Variants in LIN54 observed in about 807,000 individuals in gnomAD.
The protein encoded by LIN54 is lin-54 DREAM MuvB core complex component.
LIN54 carries 9 observed loss-of-function variants against 78.7 expected under a neutral mutation model. The ratio of observed to expected loss-of-function variants is 0.11; its 90% CI spans 0.07 to 0.20. The LOEUF (loss-of-function observed/expected upper bound fraction) is 0.20, where lower values mean the gene tolerates loss of function less well. Ranked by LOEUF, LIN54 falls within the 10% of genes least tolerant of loss-of-function variation. The pLI is 1.00. For missense variants in LIN54, 573 were observed against 889.9 expected (o/e 0.64, Z 4.53); for synonymous variants, 269 against 318.4 (o/e 0.84, Z 1.65).
chr4:82,973,145 G>T (rs535772516), intron 3 of LIN54, among the ~76,000 whole-genome samples: 13 of 151,958 alleles, frequency 8.6e-5, no homozygotes, highest in Non-Finnish European at 1.9e-4. Flanking sequence ...GTTTATAATT[G>T]CAACTATACT....
At position 82,997,291 on chromosome 4, in the gene LIN54, A is replaced by G. The variant is rs142488917; in HGVS notation, c.-32-12415T>C. On this transcript the variant is annotated intron_variant, in intron 1 of 12. Transcript: ENST00000340417. ...GGGACTTCACAACACTTTAAATAAA[A>G]TAAACCCATATTGTCATAAGGTACA... is the stretch of plus-strand genomic sequence containing the variant. Among the ~76,000 whole-genome samples the G allele has an allele frequency of 6.0e-3, 913 of 152,268 alleles. 13 individuals carry two copies. Among genetic ancestry groups the G allele is most frequent in the Non-Finnish European group, 8.5e-3 (576 of 67,998 alleles).
chr4:82,981,275 C>T (rs891951508), intron 2 of LIN54, among the ~76,000 whole-genome samples: 1 of 152,148 alleles, frequency 6.6e-6, no homozygotes, highest in African/African-American at 2.4e-5. Context: ...TTATGTACTA[C>T]TCTTATATAC....
chr4:82,932,097 T>A (rs1002198609), intron 11 of LIN54, among the ~76,000 whole-genome samples: 13 of 147,112 alleles, frequency 8.8e-5, no homozygotes, highest in African/African-American at 3.0e-4. Flanking sequence ...TTTTAATTTT[T>A]TTTTTTTTTT....
At chr4:82,987,405 AAAAAAACAAAAAAC>A (rs1039079907) in intron 1 of LIN54, among the ~76,000 whole-genome samples, 6 of 152,156 alleles carry the variant, frequency 3.9e-5, no homozygotes, top group Admixed American at 3.3e-4. Flanking sequence ...CTTTTCTAAG[AAAAAAACAAAAAAC>A]AAAAAACAAA....
chr4:83,000,797 T>G (rs34670204), intron 1 of LIN54, among the ~76,000 whole-genome samples: 76 of 145,270 alleles, frequency 5.2e-4, no homozygotes, highest in Non-Finnish European at 8.7e-4. Context: ...GACAAAGCCA[T>G]GAAAGCCATC....
Position 82,928,091 on chromosome 4 carries a change from T to C in LIN54, c.*11A>G, listed in dbSNP as rs1377684328. On this transcript the variant is annotated 3_prime_UTR_variant, in exon 13 of 13. Transcript: ENST00000340417. ...CTGTACAGTTCCATTTATCAGTCTTTTGTGCAAGAGTTAGCAATTCATGGC... is the reference window on the plus strand; with the variant it reads ...CTGTACAGTTCCATTTATCAGTCTTCTGTGCAAGAGTTAGCAATTCATGGC... 5.0e-6 allele frequency: 8 copies of C among 1,612,728 alleles called. No homozygotes were observed. The highest frequency in any genetic ancestry group is 6.8e-6 in the Non-Finnish European group (8 of 1,178,654).
intron 4 of LIN54, among the ~76,000 whole-genome samples, chr4:82,954,578 C>T (rs868387829): frequency 2.2e-4 from 33 of 151,962 alleles, no homozygotes; most frequent in African/African-American, 7.5e-4. Flanking sequence ...CCACCATGCC[C>T]GGCTAATTTT....
intron 3 of LIN54, among the ~76,000 whole-genome samples, chr4:82,972,531 T>G (rs549219632): frequency 6.6e-6 from 1 of 152,226 alleles, no homozygotes; most frequent in East Asian, 1.9e-4. Flanking sequence ...TTGTCTATTC[T>G]GGTTTCCAAA....
In LIN54 at chr4:82,938,729, GA is replaced by G. The variant is rs1451850354; in HGVS notation, c.1441-226del. 6.6e-5 allele frequency among the ~76,000 whole-genome samples: 10 copies of G among 152,276 alleles called. No individual in the cohort carries two copies. The East Asian group carries it at 1.9e-3, about 29-fold the overall frequency. Reference sequence around the variant, plus strand: ...CAGTACTACATAGTACAAATATAAAGAAAGTATTTCACAGAAGAGTTAAGTA... The same window carrying G: ...CAGTACTACATAGTACAAATATAAAGAAGTATTTCACAGAAGAGTTAAGTA... On this transcript the variant is annotated intron_variant, in intron 7 of 12. Transcript: ENST00000340417.
In LIN54 at chr4:82,984,391, T is replaced by A. The variant is rs143930029; in HGVS notation, c.454A>T (p.Ile152Phe). 3.6e-4 allele frequency: 587 copies of A among 1,614,064 alleles called. No individual in the cohort carries two copies. The highest frequency in any genetic ancestry group is 4.4e-4 in the Non-Finnish European group (523 of 1,180,026). Residue 152 changes from isoleucine (I) to phenylalanine (F), a missense_variant, in exon 2 of 13, where the codon ATT (isoleucine) becomes TTT (phenylalanine). Physicochemically the swap from Ile to Phe is conservative, Grantham distance 21 (BLOSUM62 0). Transcript: ENST00000340417. ...TGGCTATGGGGTAGTGCTAAAACAA[T>A]TGGTGAACCAGACTTGCCCAAAGTT... ...LTTLGKSGSPIVLALPHSQLP... is the reference protein window; with the variant it reads ...LTTLGKSGSPFVLALPHSQLP...
intron 1 of LIN54, among the ~76,000 whole-genome samples, chr4:83,010,028 A>AT (rs1481532580): frequency 3.3e-5 from 5 of 152,112 alleles, no homozygotes; most frequent in Non-Finnish European, 7.4e-5. Flanking sequence ...AGCATTAAAA[A>AT]TTTTTTTTCT....
rs192646182 is a variant in LIN54 at position 82,978,794 on chromosome 4, C to T, written c.808+89G>A. Reference sequence around the variant, plus strand: ...TTATAATAATAAGCTATATTTGTTACACTAAAACATTTTAAGTTGGCAGAA... The same window carrying T: ...TTATAATAATAAGCTATATTTGTTATACTAAAACATTTTAAGTTGGCAGAA... On this transcript the variant is annotated intron_variant, in intron 3 of 12. Transcript: ENST00000340417. 1.1e-3 allele frequency: 843 copies of T among 784,416 alleles called. 3 individuals are homozygous for T. Among genetic ancestry groups the T allele is most frequent in the Non-Finnish European group, 5.8e-4 (296 of 510,404 alleles). The allele number at this position is 784,416 out of a possible 1,614,324, so 48.6% of individuals were successfully genotyped here. A position where few individuals can be genotyped will look rare whatever the true frequency, so the allele number is the denominator to read the frequency against.
In LIN54 at chr4:83,010,812, G is replaced by GCCACCA; in HGVS notation, c.-367_-362dup. ...CGGAGCCCGGGCCGCCGCCGCCGCC[G>GCCACCA]CCACCACCAGTAACCTCCCCCTTCC... On this transcript the variant is annotated 5_prime_UTR_variant, in exon 1 of 13. Transcript: ENST00000340417. The GCCACCA allele has an allele frequency of 8.1e-7, 1 of 1,228,618 alleles. No homozygotes were observed. The highest frequency in any genetic ancestry group is 1.0e-6 in the Non-Finnish European group (1 of 986,584). 76.1% of individuals were successfully genotyped at this position (1,228,618 alleles called of 1,614,324 possible).
chr4:82,989,703 G>C (rs1358094034), intron 1 of LIN54, among the ~76,000 whole-genome samples: 1 of 152,188 alleles, frequency 6.6e-6, no homozygotes, highest in Non-Finnish European at 1.5e-5. Flanking sequence ...TTAAAGAGTA[G>C]GAGGAGGGAG....
chr4:82,941,149 G>GATATATAT (rs3081913), intron 5 of LIN54, among the ~76,000 whole-genome samples: 15,444 of 130,760 alleles, frequency 0.12, 1,045 homozygotes, highest in East Asian at 0.23. Flanking sequence ...GAGTTAAGAG[G>GATATATAT]ATATATATAT....
At position 82,928,774 on chromosome 4, in the gene LIN54, GA is replaced by G. The variant is rs758119413; in HGVS notation, c.2049-472del. Among the ~76,000 whole-genome samples the G allele has an allele frequency of 1.1e-4, 17 of 152,262 alleles. 2 individuals are homozygous for G. In the South Asian group the frequency reaches 3.5e-3, roughly 32 times the overall value. Reference sequence around the variant, plus strand: ...GACAGCACTATCTCTTCGGCAAAATGAAAAATAAAGCACTTTACCATAGTCA... The same window carrying G: ...GACAGCACTATCTCTTCGGCAAAATGAAAATAAAGCACTTTACCATAGTCA... On this transcript the variant is annotated intron_variant, in intron 12 of 12. Transcript: ENST00000340417.
chr4:83,002,635 T>A (rs1728970287), intron 1 of LIN54, among the ~76,000 whole-genome samples: 1 of 152,198 alleles, frequency 6.6e-6, no homozygotes, highest in African/African-American at 2.4e-5. Flanking sequence ...CTGCTCTTCC[T>A]CAGCCTCCTC....
chr4:82,949,253 C>G (rs1723651047), intron 4 of LIN54, among the ~76,000 whole-genome samples: 1 of 152,088 alleles, frequency 6.6e-6, no homozygotes, highest in Admixed American at 6.6e-5. Flanking sequence ...TTTCCATTTC[C>G]CTGATGATTA....
chr4:82,937,023 T>G (rs1011595566), intron 9 of LIN54, among the ~76,000 whole-genome samples: 1 of 152,084 alleles, frequency 6.6e-6, no homozygotes, highest in African/African-American at 2.4e-5. Flanking sequence ...GATTCATGTA[T>G]GGTAAGGACT....
Sources: allele counts gnomAD v4.1 joint callset (sites outside exome capture counted in the v4.1 genomes callset), GRCh38; gene constraint gnomAD v4.1.1; transcripts MANE v1.5; gene names NCBI Gene and HGNC (gene_info 2026-07-23, HGNC 2026-07-21).